The following ARMC2 variants were observed in gnomAD, a reference collection of about 807,000 sequenced individuals.
The protein encoded by ARMC2 is armadillo repeat containing 2.
Under a neutral mutation model 90.3 loss-of-function variants are expected in ARMC2, and 67 were observed. The ratio of observed to expected loss-of-function variants is 0.74; its 90% confidence interval spans 0.61 to 0.91. ARMC2 has a LOEUF of 0.91. Ranked by LOEUF, ARMC2 falls within the 40% of genes least tolerant of loss-of-function variation. The pLI, the probability that ARMC2 is intolerant of heterozygous loss-of-function variation, is 0.00. For synonymous variants in ARMC2, 393 were observed against 393.0 expected, an observed-to-expected ratio of 1.00 and a Z score of 0.00; for missense variants, 920 against 1,030.9, an observed-to-expected ratio of 0.89 and a Z score of 1.47.
At chr6:108,991,528 C>G in the ARMC2 span, among the ~76,000 whole-genome samples, 1 of 152,180 alleles carries the variant, frequency 6.6e-6, no homozygotes, top group African/African-American at 2.4e-5. Context: ...ACGTGGGAGC[C>G]ACCAGATCTG....
the ARMC2 span, chr6:109,008,916 G>A: frequency 2.0e-6 from 2 of 988,044 alleles, no homozygotes; most frequent in Admixed American, 6.1e-5. Context: ...GGAGGCAAAG[G>A]GGATGAAGGT....
At chr6:109,035,450 A>G in the ARMC2 span, among the ~76,000 whole-genome samples, 1 of 152,106 alleles carries the variant, frequency 6.6e-6, no homozygotes, top group South Asian at 2.1e-4. Flanking sequence ...AAGCTGACAT[A>G]TGGAGTAGGT....
chr6:108,908,525 T>C (rs1410802605), intron 8 of ARMC2, among the ~76,000 whole-genome samples: 3 of 152,154 alleles, frequency 2.0e-5, no homozygotes, highest in Non-Finnish European at 4.4e-5. Flanking sequence ...TGTGGGAGGC[T>C]GAGGTGGGAG....
chr6:108,922,271 CT>C (rs949019904), intron 10 of ARMC2, among the ~76,000 whole-genome samples: 32 of 149,634 alleles, frequency 2.1e-4, no homozygotes, highest in Admixed American at 3.3e-4. Flanking sequence ...CCCCCCCACC[CT>C]TTTTTTTTTC....
chr6:108,944,592 C>T (rs1476536282), intron 12 of ARMC2, among the ~76,000 whole-genome samples: 2 of 152,196 alleles, frequency 1.3e-5, no homozygotes, highest in Admixed American at 6.5e-5. Flanking sequence ...GTTAGTGAAA[C>T]AAGCACCAAA....
chr6:108,855,615 G>A (rs1774497889), intron 2 of ARMC2, among the ~76,000 whole-genome samples: 2 of 152,172 alleles, frequency 1.3e-5, no homozygotes, highest in African/African-American at 2.4e-5. Context: ...GGAAGATTGC[G>A]TTTAGCTTTG....
chr6:108,849,949 G>C (rs1773835232), intron 1 of ARMC2, among the ~76,000 whole-genome samples: 1 of 152,220 alleles, frequency 6.6e-6, no homozygotes, highest in Non-Finnish European at 1.5e-5. Context: ...AAATGATTCA[G>C]AGTTATGGAA....
At chr6:108,960,209 GC>G (rs201747440) in intron 13 of ARMC2, among the ~76,000 whole-genome samples, 8 of 152,082 alleles carry the variant, frequency 5.3e-5, no homozygotes, top group Non-Finnish European at 4.4e-5. Flanking sequence ...ATGTGCACCG[GC>G]GGGGGACACC....
intron 5 of ARMC2, among the ~76,000 whole-genome samples, chr6:108,877,992 C>T (rs571167434): frequency 3.0e-4 from 46 of 152,210 alleles, no homozygotes; most frequent in African/African-American, 1.0e-3. Flanking sequence ...TTGCAATGTA[C>T]CCTGGCAAGG....
Position 108,922,201 on chromosome 6 carries a change from G to T in ARMC2, c.1351-5887G>T, listed in dbSNP as rs371054503. The stretch of plus-strand genomic sequence containing the variant: ...CCACTGCAGTAGAGAACGCAGGAAT[G>T]AGACCACAGCTGCTGGGCCTGTGTT... On this transcript the variant is annotated intron_variant, in intron 10 of 17. Transcript: ENST00000392644. Among the ~76,000 whole-genome samples the T allele has an allele frequency of 1.6e-4, 25 of 152,326 alleles. 1 individual carries two copies. The highest frequency in any genetic ancestry group is 1.4e-3 in the East Asian group (7 of 5,182).
At chr6:108,967,304 G>A (rs527599616) in intron 17 of ARMC2, among the ~76,000 whole-genome samples, 15 of 152,294 alleles carry the variant, frequency 9.8e-5, no homozygotes, top group African/African-American at 1.9e-4. Context: ...AGCAGCTACC[G>A]GGTGACAGGC....
intron 1 of ARMC2, among the ~76,000 whole-genome samples, chr6:108,849,274 T>A (rs1272876680): frequency 6.6e-6 from 1 of 152,224 alleles, no homozygotes; most frequent in Non-Finnish European, 1.5e-5. Context: ...CAAGCACCAT[T>A]TATTATATTT....
the ARMC2 span, among the ~76,000 whole-genome samples, chr6:109,023,405 T>C: frequency 2.0e-5 from 3 of 152,304 alleles, no homozygotes; most frequent in Middle Eastern, 3.4e-3. Flanking sequence ...CACTTGACAG[T>C]TTACCATGCT....
At chr6:108,894,956 C>T (rs755364883) in intron 6 of ARMC2, among the ~76,000 whole-genome samples, 10 of 150,368 alleles carry the variant, frequency 6.7e-5, no homozygotes, top group Non-Finnish European at 1.3e-4. Flanking sequence ...TTAGTAGAGA[C>T]GAGCTTTCAT....
At chr6:108,975,458 A>G (rs1206127386), downstream of ARMC2, among the ~76,000 whole-genome samples, 1 of 152,212 alleles carries the variant, frequency 6.6e-6, no homozygotes, top group African/African-American at 2.4e-5. Context: ...CAGTGCTGCA[A>G]TAAACATACA....
At chr6:108,977,551 T>G (rs537445533), downstream of ARMC2, among the ~76,000 whole-genome samples, 4 of 152,332 alleles carry the variant, frequency 2.6e-5, no homozygotes, top group African/African-American at 9.6e-5. Context: ...TTCTTTTGTT[T>G]GGAATAGTTT....
At chr6:109,035,827 C>G in the ARMC2 span, among the ~76,000 whole-genome samples, 1 of 152,098 alleles carries the variant, frequency 6.6e-6, no homozygotes, top group Non-Finnish European at 1.5e-5. Flanking sequence ...AGGCTGGTCT[C>G]AAACTCCTGG....
intron 11 of ARMC2, among the ~76,000 whole-genome samples, chr6:108,935,800 T>A (rs747023434): frequency 9.9e-5 from 15 of 152,214 alleles, no homozygotes; most frequent in Non-Finnish European, 1.8e-4. Flanking sequence ...GTATTTCTTT[T>A]GTAATTTTCA....
At chr6:109,040,802 G>A in the ARMC2 span, among the ~76,000 whole-genome samples, 9 of 151,802 alleles carry the variant, frequency 5.9e-5, no homozygotes, top group African/African-American at 1.9e-4. Flanking sequence ...ACAGGTGCAC[G>A]CGACCACGCC....
Sources: gnomAD v4.1 joint callset for allele counts (sites outside exome capture counted in the v4.1 genomes callset) on GRCh38, gnomAD v4.1.1 for gene constraint, MANE v1.5 for transcripts, NCBI Gene and HGNC (gene_info 2026-07-23, HGNC 2026-07-21) for gene names.